NTM: variants seen among roughly 807,000 people sequenced by gnomAD.
NTM encodes IgLON family member 2.
In NTM, 13 loss-of-function variants were observed where a neutral mutation model predicts 42.1. The observed-to-expected ratio is 0.31, with a 90% CI of 0.20 to 0.49. The LOEUF (loss-of-function observed/expected upper bound fraction) is 0.49. Ranked by LOEUF, NTM falls within the 20% of genes least tolerant of loss-of-function variation. The probability of loss-of-function intolerance (pLI) is 0.99; values close to 1 mark genes in which losing one functional copy is unlikely to be tolerated. For synonymous variants in NTM, 187 were observed against 179.2 expected, an observed-to-expected ratio of 1.04 and a Z score of -0.35; for missense variants, 373 against 452.8, an observed-to-expected ratio of 0.82 and a Z score of 1.60.
At chr11:132,106,348 T>C (rs1336777269) in intron 2 of NTM, among the ~76,000 whole-genome samples, 1 of 152,240 alleles carries the variant, frequency 6.6e-6, no homozygotes, top group Non-Finnish European at 1.5e-5. Context: ...TTGGAGAGTT[T>C]GTCTAAAGGG....
At chr11:131,671,174 C>T (rs956159007) in intron 1 of NTM, among the ~76,000 whole-genome samples, 3 of 152,166 alleles carry the variant, frequency 2.0e-5, no homozygotes, top group Non-Finnish European at 4.4e-5. Flanking sequence ...GGCTTTTGGC[C>T]CTTGCCTTTC....
At chr11:131,908,036 C>A (rs75200523) in intron 1 of NTM, among the ~76,000 whole-genome samples, 1 of 152,172 alleles carries the variant, frequency 6.6e-6, no homozygotes, top group Non-Finnish European at 1.5e-5. Flanking sequence ...TGGATCCCTG[C>A]GCCCACGAAG....
intron 4 of NTM, among the ~76,000 whole-genome samples, chr11:132,255,166 A>T (rs138996669): frequency 1.1e-3 from 169 of 152,268 alleles, no homozygotes; most frequent in African/African-American, 3.9e-3. Flanking sequence ...TGCCAAGATA[A>T]ATTTGAGCCT....
At chr11:132,276,385 A>G (rs2093728626) in intron 4 of NTM, among the ~76,000 whole-genome samples, 1 of 152,190 alleles carries the variant, frequency 6.6e-6, no homozygotes, top group African/African-American at 2.4e-5. Context: ...CATAAAAGTT[A>G]GTATAGCAGA....
At chr11:131,491,845 C>T (rs1380302884) in intron 1 of NTM, among the ~76,000 whole-genome samples, 2 of 152,190 alleles carry the variant, frequency 1.3e-5, no homozygotes, top group African/African-American at 2.4e-5. Flanking sequence ...ACGCTCAGAT[C>T]TGGTGAAGAT....
At chr11:132,331,880 C>CTGTG (rs2095807048) in intron 8 of NTM, among the ~76,000 whole-genome samples, 1 of 152,110 alleles carries the variant, frequency 6.6e-6, no homozygotes, top group South Asian at 2.1e-4. Context: ...AGACCCGCCC[C>CTGTG]TGTGTGCTCA....
At chr11:131,554,580 A>T (rs1265429335) in intron 1 of NTM, among the ~76,000 whole-genome samples, 2 of 151,678 alleles carry the variant, frequency 1.3e-5, no homozygotes, top group African/African-American at 2.4e-5. Context: ...ACAAGGAATG[A>T]TAGAATGCTA....
intron 1 of NTM, among the ~76,000 whole-genome samples, chr11:131,417,284 A>G (rs1472488322): frequency 6.6e-6 from 1 of 152,234 alleles, no homozygotes; most frequent in Non-Finnish European, 1.5e-5. Context: ...CTGTGGGCTC[A>G]GGGCTAACTC....
intron 1 of NTM, among the ~76,000 whole-genome samples, chr11:131,599,189 A>G (rs2060235710): frequency 6.6e-6 from 1 of 152,130 alleles, no homozygotes; most frequent in Non-Finnish European, 1.5e-5. Flanking sequence ...TTCTGGGATT[A>G]CAGGCTTGAG....
At chr11:132,027,192 T>C (rs1705211657) in intron 2 of NTM, among the ~76,000 whole-genome samples, 1 of 152,210 alleles carries the variant, frequency 6.6e-6, no homozygotes, top group Admixed American at 6.5e-5. Context: ...TTTTCCCCTT[T>C]TGTGGCCCCA....
intron 1 of NTM, among the ~76,000 whole-genome samples, chr11:131,842,169 A>G (rs1186510514): frequency 6.6e-6 from 1 of 152,184 alleles, no homozygotes; most frequent in African/African-American, 2.4e-5. Flanking sequence ...AGGTGGTTTT[A>G]GGGCAGAAGT....
At chr11:131,388,691 G>C (rs897920703) in intron 1 of NTM, among the ~76,000 whole-genome samples, 2 of 152,042 alleles carry the variant, frequency 1.3e-5, no homozygotes, top group Non-Finnish European at 2.9e-5. Flanking sequence ...TGGGGAAAGA[G>C]AAAGCAAGGA....
chr11:131,639,460 G>A (rs535561292), intron 1 of NTM, among the ~76,000 whole-genome samples: 60 of 152,264 alleles, frequency 3.9e-4, no homozygotes, highest in African/African-American at 1.2e-3. Context: ...AAAATTACAC[G>A]TGCTGTCTTT....
intron 1 of NTM, among the ~76,000 whole-genome samples, chr11:131,892,807 A>C (rs2051583832): frequency 6.6e-6 from 1 of 152,354 alleles, no homozygotes; most frequent in East Asian, 1.9e-4. Context: ...TCCTGACAAG[A>C]ATCCACTGTG....
At position 131,795,594 on chromosome 11, in the gene NTM, G is replaced by A. The variant is rs1359417516; in HGVS notation, c.83-115970G>A. The A allele has an allele frequency of 3.0e-6, 3 of 985,404 alleles. No homozygotes were observed. The South Asian group carries it at 1.4e-4, about 46-fold the overall frequency. The allele number at this position is 985,404 out of a possible 1,614,324, so 61.0% of individuals were successfully genotyped here. A position where few individuals can be genotyped will look rare whatever the true frequency, so the allele number is the denominator to read the frequency against. ...AACGGGAGTCCCCGCGAGAACCCTGGTCCCACAGAGTCATGGGAGACCCTT... is the reference window on the plus strand; with the variant it reads ...AACGGGAGTCCCCGCGAGAACCCTGATCCCACAGAGTCATGGGAGACCCTT... On this transcript the variant is annotated intron_variant, in intron 1 of 8. Coordinates refer to ENST00000683400, the MANE Select transcript of NTM (RefSeq NM_001352005.2).
chr11:131,658,739 G>T (rs2067548970), intron 1 of NTM, among the ~76,000 whole-genome samples: 1 of 152,200 alleles, frequency 6.6e-6, no homozygotes, highest in Non-Finnish European at 1.5e-5. Context: ...GGAGGCCGAG[G>T]TGGGCGGATC....
At chr11:131,590,642 T>C (rs2137279616) in intron 1 of NTM, among the ~76,000 whole-genome samples, 1 of 152,322 alleles carries the variant, frequency 6.6e-6, no homozygotes, top group African/African-American at 2.4e-5. Flanking sequence ...ATTCCTTCTT[T>C]GAATGCTTGC....
chr11:131,802,494 G>A (rs542283142), intron 1 of NTM, among the ~76,000 whole-genome samples: 1 of 152,310 alleles, frequency 6.6e-6, no homozygotes, highest in East Asian at 1.9e-4. Context: ...ATCCCCATGA[G>A]CAGCACCCTC....
intron 2 of NTM, among the ~76,000 whole-genome samples, chr11:132,001,803 C>T (rs1234387731): frequency 1.3e-5 from 2 of 148,550 alleles, no homozygotes; most frequent in African/African-American, 2.4e-5. Context: ...CACACACATA[C>T]ACACAATCGG....
Sources: allele counts gnomAD v4.1 joint callset (sites outside exome capture counted in the v4.1 genomes callset), GRCh38; gene constraint gnomAD v4.1.1; transcripts MANE v1.5; gene names NCBI Gene and HGNC (gene_info 2026-07-23, HGNC 2026-07-21).